The following PTPRN2 variants were observed in gnomAD, a reference collection of about 807,000 sequenced individuals.
The protein encoded by PTPRN2 is protein tyrosine phosphatase receptor type N2, also known as receptor-type tyrosine-protein phosphatase N2.
A neutral mutation model predicts 118.8 loss-of-function variants in PTPRN2; 74 were observed. The ratio of observed to expected loss-of-function variants is 0.62; its 90% CI spans 0.52 to 0.76. PTPRN2 has a LOEUF of 0.76. PTPRN2 is among the 30% of genes least tolerant of loss of function. The pLI is 0.00. For missense variants in PTPRN2, 1,481 were observed against 1,394.4 expected (o/e 1.06, Z -0.99); for synonymous variants, 641 against 608.0 (o/e 1.05, Z -0.80).
intron 3 of PTPRN2, among the ~76,000 whole-genome samples, chr7:158,279,226 T>C (rs911216757): frequency 6.6e-6 from 1 of 152,204 alleles, no homozygotes; most frequent in Non-Finnish European, 1.5e-5. Flanking sequence ...GGCTAACTGG[T>C]CCGTTTTGAC....
intron 11 of PTPRN2, among the ~76,000 whole-genome samples, chr7:158,021,611 C>T (rs1312738834): frequency 6.6e-6 from 1 of 151,958 alleles, no homozygotes; most frequent in Non-Finnish European, 1.5e-5. Flanking sequence ...GCGCTGCCCA[C>T]CAGCCAAGGA....
chr7:158,059,706 CCA>C (rs1332218328), intron 11 of PTPRN2, among the ~76,000 whole-genome samples: 2 of 109,140 alleles, frequency 1.8e-5, no homozygotes, highest in Admixed American at 8.6e-5. Context: ...ATCACTGCAG[CCA>C]CACTCCATCT....
At chr7:158,552,086 C>T (rs73730404) in intron 1 of PTPRN2, among the ~76,000 whole-genome samples, 720 of 62,960 alleles carry the variant, frequency 0.011, 14 homozygotes, top group African/African-American at 0.045. Flanking sequence ...CCCATTACAT[C>T]GGGGGTAGAG....
chr7:158,040,520 A>G (rs1563352834), intron 11 of PTPRN2, among the ~76,000 whole-genome samples: 1 of 152,250 alleles, frequency 6.6e-6, no homozygotes, highest in African/African-American at 2.4e-5. Context: ...CCTTACCCAT[A>G]GAAAAGCACG....
At chr7:158,455,912 A>T (rs1382032257) in intron 2 of PTPRN2, among the ~76,000 whole-genome samples, 1 of 129,404 alleles carries the variant, frequency 7.7e-6, no homozygotes, top group Non-Finnish European at 1.6e-5. Flanking sequence ...AGAACATAAC[A>T]GCATGGACGC....
Position 157,571,510 on chromosome 7 carries a change from T to C in PTPRN2, c.2784-17A>G. On this transcript the variant is annotated splice_polypyrimidine_tract_variant and intron_variant, in intron 19 of 22. Coordinates refer to ENST00000389418, the MANE Select transcript of PTPRN2 (RefSeq NM_002847.5). Reference sequence around the variant, plus strand: ...TTTACTTTTCTGAAATAAAAAGAGATATAAAAATTATCGTTGTGTACTAAG... The same window carrying C: ...TTTACTTTTCTGAAATAAAAAGAGACATAAAAATTATCGTTGTGTACTAAG... 1 of 1,589,130 alleles carries C rather than the reference T, an allele frequency of 6.3e-7. No homozygotes were observed. Among genetic ancestry groups the C allele is most frequent in the Non-Finnish European group, 8.6e-7 (1 of 1,160,788 alleles).
chr7:157,738,539 G>A (rs985804794), intron 12 of PTPRN2, among the ~76,000 whole-genome samples: 11 of 152,230 alleles, frequency 7.2e-5, no homozygotes, highest in Non-Finnish European at 1.2e-4. Flanking sequence ...TGTTTGTGGT[G>A]CAGCCAGCGG....
intron 22 of PTPRN2, among the ~76,000 whole-genome samples, chr7:157,541,260 G>T (rs1563196447): frequency 6.6e-6 from 1 of 152,248 alleles, no homozygotes; most frequent in Non-Finnish European, 1.5e-5. Flanking sequence ...GTCCTCGGAA[G>T]TGTGGTGTTA....
chr7:157,958,768 G>A (rs961749571), intron 11 of PTPRN2, among the ~76,000 whole-genome samples: 3 of 152,076 alleles, frequency 2.0e-5, no homozygotes, highest in Admixed American at 2.0e-4. Context: ...ACAAATAAGT[G>A]GAAAGACATC....
chr7:157,904,385 C>T (rs909314670), intron 11 of PTPRN2, among the ~76,000 whole-genome samples: 3 of 152,222 alleles, frequency 2.0e-5, no homozygotes, highest in Non-Finnish European at 4.4e-5. Context: ...GCTCCCCTCC[C>T]GTGGCCCTGC....
chr7:158,270,803 CCCT>C (rs1798319415), intron 3 of PTPRN2, among the ~76,000 whole-genome samples: 15 of 22,148 alleles, frequency 6.8e-4, no homozygotes, highest in Admixed American at 1.5e-3. Flanking sequence ...CTGGACCACC[CCCT>C]CACCTGGACC....
At chr7:158,566,223 G>C (rs553931743) in intron 1 of PTPRN2, among the ~76,000 whole-genome samples, 3 of 152,058 alleles carry the variant, frequency 2.0e-5, no homozygotes, top group Non-Finnish European at 4.4e-5. Context: ...GCGTGGTGGC[G>C]GGCACCTGTT....
At chr7:158,523,499 CCCTGGAGTGGAGTCGTCT>C in intron 1 of PTPRN2, among the ~76,000 whole-genome samples, 1 of 127,860 alleles carries the variant, frequency 7.8e-6, no homozygotes, top group African/African-American at 3.0e-5. Flanking sequence ...GAGTCGTCTG[CCCTGGAGTGGAGTCGTCT>C]GCCCTGGAGC....
In PTPRN2 at chr7:158,452,873, C is replaced by T. The variant is rs115715405; in HGVS notation, c.163+36862G>A. Among the ~76,000 whole-genome samples, 776 of 152,358 alleles carry T rather than the reference C, an allele frequency of 5.1e-3. 10 individuals carry two copies. The highest frequency in any genetic ancestry group is 0.018 in the African/African-American group (743 of 41,586). ...AAGAGTCTTCTCCTCCAGAGTAACA[C>T]GGGGTCTTACTCTGTTGCCCCGTGG... On this transcript the variant is annotated intron_variant, in intron 2 of 22. Transcript: ENST00000389418.
chr7:158,071,107 G>A (rs1563389289), intron 11 of PTPRN2, among the ~76,000 whole-genome samples: 3 of 81,168 alleles, frequency 3.7e-5, no homozygotes, highest in African/African-American at 5.7e-5. Context: ...AGGTGCTCGT[G>A]GTGGTGGAGG....
At chr7:157,566,467 G>A (rs1438783104) in intron 21 of PTPRN2, among the ~76,000 whole-genome samples, 7 of 152,176 alleles carry the variant, frequency 4.6e-5, no homozygotes, top group Non-Finnish European at 8.8e-5. Flanking sequence ...CACCTCAGCC[G>A]GCAGAGGGGC....
intron 3 of PTPRN2, among the ~76,000 whole-genome samples, chr7:158,289,064 T>C (rs922781493): frequency 6.6e-6 from 1 of 152,206 alleles, no homozygotes. Context: ...CTCCTTTATA[T>C]GTGATTTGCT....
chr7:158,280,992 C>T (rs190252552), intron 3 of PTPRN2, among the ~76,000 whole-genome samples: 2 of 152,288 alleles, frequency 1.3e-5, no homozygotes, highest in Non-Finnish European at 2.9e-5. Context: ...GCCATGTGCT[C>T]GTCATCACAG....
At chr7:157,570,899 A>G (rs1307286633) in intron 20 of PTPRN2, among the ~76,000 whole-genome samples, 1 of 152,234 alleles carries the variant, frequency 6.6e-6, no homozygotes, top group Non-Finnish European at 1.5e-5. Context: ...GTGGCAGGAC[A>G]TGCTCACGGG....
Sources: gnomAD v4.1 joint callset for allele counts (sites outside exome capture counted in the v4.1 genomes callset) on GRCh38, gnomAD v4.1.1 for gene constraint, MANE v1.5 for transcripts, NCBI Gene and HGNC (gene_info 2026-07-23, HGNC 2026-07-21) for gene names.